RAB3GAP1: variants seen among roughly 807,000 people sequenced by gnomAD.
The protein encoded by RAB3GAP1 is rab3 GTPase-activating protein catalytic subunit.
In RAB3GAP1, 86 loss-of-function variants were observed where a neutral mutation model predicts 130.7. The ratio of observed to expected loss-of-function variants is 0.66; its 90% CI spans 0.55 to 0.79. RAB3GAP1 has a LOEUF of 0.79. Among genes scored for constraint, RAB3GAP1 ranks in the 30% least tolerant of loss-of-function variants. RAB3GAP1 has a pLI of 0.00. For missense variants in RAB3GAP1, 1,029 were observed against 1,169.4 expected, an observed-to-expected ratio of 0.88 and a Z score of 1.75; for synonymous variants, 367 against 401.7, an observed-to-expected ratio of 0.91 and a Z score of 1.03.
At chr2:135,129,286 A>G (rs973499572) in intron 11 of RAB3GAP1, among the ~76,000 whole-genome samples, 1 of 151,938 alleles carries the variant, frequency 6.6e-6, no homozygotes, top group Non-Finnish European at 1.5e-5. Flanking sequence ...CCCCGTCTCT[A>G]CTAAAAATAC....
chr2:135,130,986 G>A (rs1185963699), intron 13 of RAB3GAP1, among the ~76,000 whole-genome samples: 1 of 152,218 alleles, frequency 6.6e-6, no homozygotes, highest in Non-Finnish European at 1.5e-5. Context: ...GGGAATCAGG[G>A]AAGGCTTCAT....
chr2:135,118,461 CTTTTCT>C (rs1691093154), intron 7 of RAB3GAP1, among the ~76,000 whole-genome samples: 1 of 152,114 alleles, frequency 6.6e-6, no homozygotes, highest in South Asian at 2.1e-4. Context: ...ATAACTTCAT[CTTTTCT>C]TTTTCATCTT....
intron 5 of RAB3GAP1, among the ~76,000 whole-genome samples, chr2:135,095,124 C>G (rs1267649293): frequency 6.6e-6 from 1 of 152,166 alleles, no homozygotes; most frequent in Non-Finnish European, 1.5e-5. Flanking sequence ...TCTCGGCTCA[C>G]TGCAACCTCT....
chr2:135,060,389 G>A (rs1689133465), intron 3 of RAB3GAP1, among the ~76,000 whole-genome samples: 1 of 148,890 alleles, frequency 6.7e-6, no homozygotes, highest in Non-Finnish European at 1.5e-5. Context: ...CCTCCCAAGT[G>A]GCTGCGACTA....
At chr2:135,143,855 T>C (rs1283006997) in intron 17 of RAB3GAP1, among the ~76,000 whole-genome samples, 1 of 152,210 alleles carries the variant, frequency 6.6e-6, no homozygotes, top group African/African-American at 2.4e-5. Flanking sequence ...GGCCCTAACA[T>C]GTTACATTTT....
chr2:135,106,159 C>T (rs951722627), intron 5 of RAB3GAP1, among the ~76,000 whole-genome samples: 10 of 151,064 alleles, frequency 6.6e-5, no homozygotes, highest in African/African-American at 1.9e-4. Context: ...TCCGTCCGGC[C>T]GCCGCCCCGT....
At chr2:135,133,217 G>A (rs544498286) in intron 14 of RAB3GAP1, among the ~76,000 whole-genome samples, 2 of 152,272 alleles carry the variant, frequency 1.3e-5, no homozygotes, top group Admixed American at 1.3e-4. Context: ...CTACACAGCT[G>A]TAGGATTTCC....
chr2:135,110,998 A>T (rs531893939), intron 5 of RAB3GAP1, among the ~76,000 whole-genome samples: 1 of 152,194 alleles, frequency 6.6e-6, no homozygotes, highest in Non-Finnish European at 1.5e-5. Flanking sequence ...CTATTTTTCA[A>T]AGATCTTTAG....
At position 135,170,070 on chromosome 2, in the gene RAB3GAP1, GA is replaced by G; in HGVS notation, c.*1290del. The G allele has an allele frequency of 5.3e-6, 1 of 189,076 alleles. No homozygotes were observed. Among genetic ancestry groups the G allele is most frequent in the Non-Finnish European group, 1.1e-5 (1 of 91,598 alleles). The allele number at this position is 189,076 out of a possible 1,614,324, so 11.7% of individuals were successfully genotyped here. A position where few individuals can be genotyped will look rare whatever the true frequency, so the allele number is the denominator to read the frequency against. On this transcript the variant is annotated 3_prime_UTR_variant, in exon 24 of 24. Transcript: ENST00000264158. ...ATGTGAAGTAGGGGAGGCCCTGGGG[GA>G]TGACCTCCCAGCCTTTATGATGCTT... is the stretch of plus-strand genomic sequence containing the variant.
intron 22 of RAB3GAP1, 64 bp downstream of exon 22, chr2:135,163,165 A>G (rs2104998873): frequency 9.5e-7 from 1 of 1,054,392 alleles, no homozygotes; most frequent in East Asian, 2.4e-5. Context: ...CTCTTAAGAA[A>G]AATTGTAATA....
chr2:135,081,703 C>T (rs967719820), intron 3 of RAB3GAP1, among the ~76,000 whole-genome samples: 1 of 151,878 alleles, frequency 6.6e-6, no homozygotes, highest in Non-Finnish European at 1.5e-5. Flanking sequence ...TTATTTTATT[C>T]CAGAAATAGA....
At position 135,169,433 on chromosome 2, in the gene RAB3GAP1, A is replaced by C. The variant is rs1447868025; in HGVS notation, c.*652A>C. On this transcript the variant is annotated 3_prime_UTR_variant, in exon 24 of 24. Coordinates refer to ENST00000264158, the MANE Select transcript of RAB3GAP1 (RefSeq NM_012233.3). ...TTACTTCTGATAAAACTATATATCA[A>C]ATGTCACTGCAAATTAGTTTTATAT... 1 of 182,012 alleles carries C rather than the reference A, an allele frequency of 5.5e-6. No individual in the cohort carries two copies. Among genetic ancestry groups the C allele is most frequent in the East Asian group, 1.6e-4 (1 of 6,314 alleles). 11.3% of individuals were successfully genotyped at this position (182,012 alleles called of 1,614,324 possible).
chr2:135,063,947 C>T (rs962504029), intron 3 of RAB3GAP1, among the ~76,000 whole-genome samples: 3 of 152,126 alleles, frequency 2.0e-5, no homozygotes, highest in South Asian at 2.1e-4. Flanking sequence ...AAGATTTTGC[C>T]GTATTTTTGA....
chr2:135,090,855 G>T, intron 3 of RAB3GAP1, 143 bp from the exon 4 acceptor site: 1 of 643,122 alleles, frequency 1.6e-6, no homozygotes, highest in East Asian at 2.9e-5. Flanking sequence ...TTTTCTCTTG[G>T]TTGCATTCAC....
At chr2:135,164,514 A>T in intron 22 of RAB3GAP1, 80 bp from the exon 23 acceptor site, 1 of 1,125,496 alleles carries the variant, frequency 8.9e-7, no homozygotes, top group Non-Finnish European at 1.3e-6. Context: ...TTTGTCCACA[A>T]AACTCCTGTG....
intron 13 of RAB3GAP1, 21 bp from the exon 14 acceptor site, chr2:135,132,874 A>AT (rs748096821): frequency 4.3e-6 from 6 of 1,390,920 alleles, no homozygotes; most frequent in Non-Finnish European, 6.1e-6. Flanking sequence ...AAATGTGATT[A>AT]TTTTTTTCCT....
chr2:135,123,434 C>G (rs1205813792), intron 8 of RAB3GAP1, among the ~76,000 whole-genome samples: 1 of 152,080 alleles, frequency 6.6e-6, no homozygotes, highest in African/African-American at 2.4e-5. Context: ...AGATAAATAT[C>G]AGATGTGATT....
rs896748884 is a variant in RAB3GAP1 at position 135,058,011 on chromosome 2, G to T, written c.75G>T (p.Arg25Ser). The part of the protein sequence containing the change: ...TDFTTASEWE[R>S]FISKVEEVLN... ...TAGAAGCTTTCTCCCTACTTCCTAG[G>T]TTTATTTCCAAAGTTGAAGAAGTCT... Residue 25 changes from arginine (R) to serine (S), a missense_variant and splice_region_variant, in exon 3 of 24, where the codon AGG (arginine) becomes AGT (serine). Coordinates refer to ENST00000264158, the MANE Select transcript of RAB3GAP1 (RefSeq NM_012233.3). 2 of 1,607,586 alleles carry T rather than the reference G, an allele frequency of 1.2e-6. No individual in the cohort carries two copies. Among genetic ancestry groups the T allele is most frequent in the African/African-American group, 2.7e-5 (2 of 74,776 alleles).
At chr2:135,092,736 C>T (rs965537734) in intron 4 of RAB3GAP1, among the ~76,000 whole-genome samples, 1 of 152,130 alleles carries the variant, frequency 6.6e-6, no homozygotes, top group Admixed American at 6.5e-5. Context: ...CTGTGCCCAG[C>T]CAAAGGTGAA....
Sources: gnomAD v4.1 joint callset for allele counts (sites outside exome capture counted in the v4.1 genomes callset) on GRCh38, gnomAD v4.1.1 for gene constraint, MANE v1.5 for transcripts, NCBI Gene and HGNC (gene_info 2026-07-23, HGNC 2026-07-21) for gene names.